The following HAUS6 variants were observed in gnomAD, a reference collection of about 807,000 sequenced individuals.
The protein encoded by HAUS6 is HAUS augmin like complex subunit 6.
Under a neutral mutation model 106.8 loss-of-function variants are expected in HAUS6, and 80 were observed. The observed-to-expected ratio is 0.75, with a 90% confidence interval of 0.63 to 0.90. The LOEUF (loss-of-function observed/expected upper bound fraction) is 0.90, where lower values mean the gene tolerates loss of function less well. Among genes scored for constraint, HAUS6 ranks in the 40% least tolerant of loss-of-function variants. The probability of loss-of-function intolerance (pLI) is 0.00; values close to 1 mark genes in which losing one functional copy is unlikely to be tolerated. For synonymous variants in HAUS6, 356 were observed against 379.1 expected (o/e 0.94, Z 0.71); for missense variants, 1,155 against 1,118.1 (o/e 1.03, Z -0.47).
At chr9:19,089,372 A>C (rs781665211) in intron 5 of HAUS6, 40 bp downstream of exon 5, 2 of 1,366,042 alleles carry the variant, frequency 1.5e-6, no homozygotes, top group Non-Finnish European at 2.1e-6. Flanking sequence ...ATCTGTTCAA[A>C]AGAAAGAAAT....
intron 8 of HAUS6, among the ~76,000 whole-genome samples, chr9:19,082,014 A>G (rs1224942369): frequency 2.6e-5 from 4 of 152,248 alleles, no homozygotes; most frequent in Admixed American, 2.6e-4. Context: ...AAAGTAAGCT[A>G]TCCAGATAAT....
intron 1 of HAUS6, 109 bp downstream of exon 1, chr9:19,102,415 A>C: frequency 1.7e-6 from 2 of 1,211,022 alleles, no homozygotes; most frequent in Middle Eastern, 4.0e-4. Context: ...GGCACAGAGT[A>C]ACTGCTCAAC....
chr9:19,085,821 C>T (rs1347599250), intron 7 of HAUS6, among the ~76,000 whole-genome samples: 1 of 152,016 alleles, frequency 6.6e-6, no homozygotes, highest in Non-Finnish European at 1.5e-5. Flanking sequence ...CTAGGTTATA[C>T]TACAATCAAG....
chr9:19,091,397 G>A (rs777799993), intron 4 of HAUS6, among the ~76,000 whole-genome samples: 1 of 152,022 alleles, frequency 6.6e-6, no homozygotes, highest in Non-Finnish European at 1.5e-5. Context: ...CACGTTGACT[G>A]GAATTGGTTT....
At chr9:19,071,486 C>A (rs1319556783) in intron 11 of HAUS6, among the ~76,000 whole-genome samples, 7 of 151,754 alleles carry the variant, frequency 4.6e-5, no homozygotes, top group Non-Finnish European at 1.0e-4. Flanking sequence ...TAAATAAGCA[C>A]ACACAAATCC....
chr9:19,068,260 C>T (rs187587284), intron 12 of HAUS6, among the ~76,000 whole-genome samples: 32 of 152,168 alleles, frequency 2.1e-4, no homozygotes, highest in African/African-American at 7.2e-4. Context: ...AACACCAGGT[C>T]CTCAGAGAAG....
chr9:19,096,563 T>C (rs1428526140), intron 2 of HAUS6, 111 bp downstream of exon 2: 1 of 388,800 alleles, frequency 2.6e-6, no homozygotes, highest in East Asian at 4.4e-5. Flanking sequence ...AGACTCCGTC[T>C]CAAAAAAAAA....
intron 5 of HAUS6, among the ~76,000 whole-genome samples, chr9:19,088,012 T>C (rs1210280919): frequency 6.6e-6 from 1 of 152,158 alleles, no homozygotes; most frequent in East Asian, 1.9e-4. Context: ...GCTGCATAGA[T>C]GAACCTAAAC....
chr9:19,100,934 A>G (rs542250989), intron 1 of HAUS6, among the ~76,000 whole-genome samples: 3 of 152,322 alleles, frequency 2.0e-5, no homozygotes, highest in Admixed American at 6.5e-5. Context: ...AGTCTAGGAA[A>G]GGAAAAGGAG....
At chr9:19,063,807 C>A in intron 12 of HAUS6, 1 of 703,426 alleles carries the variant, frequency 1.4e-6, no homozygotes, top group Non-Finnish European at 2.7e-6. Context: ...CTTTACTTAC[C>A]ACATACTGAG....
chr9:19,080,678 G>C lies in HAUS6; in HGVS notation c.871-6C>G. On this transcript the variant is annotated splice_region_variant and splice_polypyrimidine_tract_variant and intron_variant, in intron 8 of 16. Transcript: ENST00000380502. Reference sequence around the variant, plus strand: ...TAAACATTTCCTATGTGCAACTAAGGAATCAGGAGGAGAAAAAAATTGGTG... The same window carrying C: ...TAAACATTTCCTATGTGCAACTAAGCAATCAGGAGGAGAAAAAAATTGGTG... 1 of 1,565,864 alleles carries C rather than the reference G, an allele frequency of 6.4e-7. No homozygotes were observed. Among genetic ancestry groups the C allele is most frequent in the Non-Finnish European group, 8.7e-7 (1 of 1,146,272 alleles).
At chr9:19,083,503 TA>T (rs1235726637) in intron 7 of HAUS6, among the ~76,000 whole-genome samples, 1 of 152,070 alleles carries the variant, frequency 6.6e-6, no homozygotes, top group Non-Finnish European at 1.5e-5. Flanking sequence ...GAAATAATTT[TA>T]AAAATTTTTC....
chr9:19,064,179 C>G (rs1290846329), intron 12 of HAUS6, among the ~76,000 whole-genome samples: 1 of 152,120 alleles, frequency 6.6e-6, no homozygotes, highest in Admixed American at 6.5e-5. Context: ...GTGAGTCAGG[C>G]TGGTCTCAAA....
chr9:19,096,046 T>A (rs1033592296), intron 2 of HAUS6, among the ~76,000 whole-genome samples: 3 of 152,200 alleles, frequency 2.0e-5, no homozygotes, highest in African/African-American at 7.2e-5. Flanking sequence ...CGGATTGATA[T>A]CATTTAATTG....
intron 9 of HAUS6, among the ~76,000 whole-genome samples, chr9:19,079,108 A>G (rs1463119120): frequency 6.7e-6 from 1 of 150,182 alleles, no homozygotes; most frequent in Non-Finnish European, 1.5e-5. Context: ...ACGTTGCAGA[A>G]AGCCGAGATT....
chr9:19,070,205 C>A lies in HAUS6; in HGVS notation c.1376+14G>T, dbSNP rs1271132319. On this transcript the variant is annotated intron_variant, in intron 12 of 16. Transcript: ENST00000380502. ...TTTTTAATGTTTAACAAAAGAAAAT[C>A]AAATTTGTTTTACCTGTTGGCTAGA... 7.0e-7 allele frequency: 1 copy of A among 1,426,366 alleles called. No homozygotes were observed. The highest frequency in any genetic ancestry group is 9.8e-7 in the Non-Finnish European group (1 of 1,017,176). 88.4% of individuals were successfully genotyped at this position (1,426,366 alleles called of 1,614,324 possible).
At chr9:19,062,283 A>C (rs1836641039) in intron 14 of HAUS6, among the ~76,000 whole-genome samples, 1 of 152,224 alleles carries the variant, frequency 6.6e-6, no homozygotes, top group Non-Finnish European at 1.5e-5. Flanking sequence ...TAATGATATG[A>C]TATTGCAGTG....
In HAUS6 at chr9:19,058,971, G is replaced by C. The variant is rs2131096857; in HGVS notation, c.1796C>G (p.Ala599Gly). 1 of 1,599,248 alleles carries C rather than the reference G, an allele frequency of 6.3e-7. No homozygotes were observed. Among genetic ancestry groups the C allele is most frequent in the Non-Finnish European group, 8.6e-7 (1 of 1,168,162 alleles). Reference sequence around the variant, plus strand: ...AGTTCTGTTTTCTTCCATTTCAATAGCTTTTCTCCATGAGCTCCTAATTTC... The same window carrying C: ...AGTTCTGTTTTCTTCCATTTCAATACCTTTTCTCCATGAGCTCCTAATTTC... ...ITEIRSSWRK[A>G]IEMEENRTKE... Residue 599 changes from alanine (A) to glycine (G), a missense_variant, in exon 16 of 17, where the codon GCT (alanine) becomes GGT (glycine). Around this residue, in one of 3 missense-constraint regions of HAUS6, gnomAD observed 14 missense variants for 33.2 expected, o/e 0.42. Coordinates refer to ENST00000380502, the MANE Select transcript of HAUS6 (RefSeq NM_017645.5).
In HAUS6 at chr9:19,102,695, C is replaced by T. The variant is rs200432182; in HGVS notation, c.-44G>A. ...GGCTGCAAAGAAAGAAAGCGCAAGC[C>T]CAGGGGACTCGGAGGGCCCTCAAGA... On this transcript the variant is annotated 5_prime_UTR_variant, in exon 1 of 17. Transcript: ENST00000380502. The T allele has an allele frequency of 6.3e-7, 1 of 1,590,334 alleles. No individual in the cohort carries two copies. Among genetic ancestry groups the T allele is most frequent in the East Asian group, 2.3e-5 (1 of 43,908 alleles).
Sources: allele counts gnomAD v4.1 joint callset (sites outside exome capture counted in the v4.1 genomes callset), GRCh38; gene constraint gnomAD v4.1.1; regional missense constraint gnomAD v4.1.1; transcripts MANE v1.5; gene names NCBI Gene and HGNC (gene_info 2026-07-23, HGNC 2026-07-21).